The following PIP5K1B variants were observed in gnomAD, a reference collection of about 807,000 sequenced individuals.
PIP5K1B encodes phosphatidylinositol-4-phosphate 5-kinase type 1 beta, also known as phosphatidylinositol 4-phosphate 5-kinase type-1 beta.
Under a neutral mutation model 67.0 loss-of-function variants are expected in PIP5K1B, and 42 were observed. The ratio of observed to expected loss-of-function variants is 0.63; its 90% CI spans 0.49 to 0.81. The LOEUF (loss-of-function observed/expected upper bound fraction) is 0.81. Among genes scored for constraint, PIP5K1B ranks in the 30% least tolerant of loss-of-function variants. The pLI, the probability that PIP5K1B is intolerant of heterozygous loss-of-function variation, is 0.00. For missense variants in PIP5K1B, 459 were observed against 646.3 expected (o/e 0.71, Z 3.14); for synonymous variants, 214 against 231.4 (o/e 0.92, Z 0.68).
chr9:68,917,990 C>A (rs548005702), intron 9 of PIP5K1B, among the ~76,000 whole-genome samples: 12 of 152,192 alleles, frequency 7.9e-5, no homozygotes, highest in South Asian at 2.1e-4. Context: ...TTAACAATGG[C>A]TGAAAATGTT....
chr9:68,940,821 A>G (rs769975407), intron 14 of PIP5K1B, 31 bp downstream of exon 14: 1 of 1,605,900 alleles, frequency 6.2e-7, no homozygotes, highest in South Asian at 1.1e-5. Flanking sequence ...ATAACCCATC[A>G]GGCTGTTACC....
intron 4 of PIP5K1B, among the ~76,000 whole-genome samples, chr9:68,862,531 C>T (rs1223509019): frequency 1.3e-5 from 2 of 152,112 alleles, no homozygotes; most frequent in African/African-American, 4.8e-5. Flanking sequence ...TGGTGGCTCA[C>T]ACCTGTAATC....
chr9:68,881,888 T>C (rs1034863890), intron 6 of PIP5K1B, among the ~76,000 whole-genome samples: 5 of 152,210 alleles, frequency 3.3e-5, no homozygotes, highest in Non-Finnish European at 5.9e-5. Context: ...GTAGAACTTA[T>C]ATGAGTCTTT....
intron 14 of PIP5K1B, chr9:68,963,056 A>G (rs931701530): frequency 1.1e-5 from 4 of 379,074 alleles, no homozygotes; most frequent in African/African-American, 2.1e-5. Context: ...AAAGAAACTT[A>G]TATTTGATTT....
intron 13 of PIP5K1B, among the ~76,000 whole-genome samples, chr9:68,939,391 G>A (rs554360112): frequency 1.8e-4 from 27 of 152,168 alleles, no homozygotes; most frequent in Non-Finnish European, 3.2e-4. Context: ...CAATTCATTG[G>A]AATCTGATAT....
At chr9:68,883,038 A>G (rs564906755) in intron 6 of PIP5K1B, among the ~76,000 whole-genome samples, 1 of 152,334 alleles carries the variant, frequency 6.6e-6, no homozygotes, top group East Asian at 1.9e-4. Flanking sequence ...AAAATTAACA[A>G]CAGCAATACA....
chr9:68,727,165 G>A (rs1185247087), intron 1 of PIP5K1B, among the ~76,000 whole-genome samples: 1 of 152,186 alleles, frequency 6.6e-6, no homozygotes, highest in African/African-American at 2.4e-5. Flanking sequence ...GGCCAGGGCA[G>A]TGTGAGGAGA....
intron 3 of PIP5K1B, chr9:68,822,414 T>C (rs1054451905): frequency 5.2e-5 from 25 of 482,494 alleles, no homozygotes; most frequent in Non-Finnish European, 7.8e-5. Flanking sequence ...ACGAAAATGT[T>C]TTAGATTTAT....
intron 2 of PIP5K1B, among the ~76,000 whole-genome samples, chr9:68,766,388 T>A (rs1830428235): frequency 6.6e-6 from 1 of 152,158 alleles, no homozygotes; most frequent in Admixed American, 6.5e-5. Context: ...ACAAAGATCT[T>A]ATATAATGTT....
intron 4 of PIP5K1B, among the ~76,000 whole-genome samples, chr9:68,853,109 A>G (rs1219878630): frequency 1.3e-5 from 2 of 152,214 alleles, no homozygotes; most frequent in South Asian, 2.1e-4. Context: ...CCTTGGAATG[A>G]TGAGTCTGGC....
At chr9:68,854,993 A>G (rs10869422) in intron 4 of PIP5K1B, among the ~76,000 whole-genome samples, 64,331 of 152,058 alleles carry the variant, frequency 0.42, 14,091 homozygotes, top group Non-Finnish European at 0.49. Context: ...GTGATGGCAT[A>G]ATTTGACGAG....
intron 14 of PIP5K1B, among the ~76,000 whole-genome samples, chr9:68,941,786 T>C (rs1827574179): frequency 6.6e-6 from 1 of 152,240 alleles, no homozygotes. Context: ...TTATTTTTAA[T>C]ATATGGATAT....
At chr9:68,794,862 T>G (rs1256162674) in intron 2 of PIP5K1B, among the ~76,000 whole-genome samples, 1 of 152,214 alleles carries the variant, frequency 6.6e-6, no homozygotes, top group Non-Finnish European at 1.5e-5. Flanking sequence ...GATTTCCTTC[T>G]AATCATAGAA....
At chr9:68,819,758 A>G (rs567439510) in intron 3 of PIP5K1B, among the ~76,000 whole-genome samples, 1 of 152,154 alleles carries the variant, frequency 6.6e-6, no homozygotes, top group African/African-American at 2.4e-5. Flanking sequence ...TCCCTGCTAC[A>G]TGGCCTCTCC....
chr9:68,787,017 A>C (rs947477781), intron 2 of PIP5K1B, among the ~76,000 whole-genome samples: 1 of 152,198 alleles, frequency 6.6e-6, no homozygotes, highest in Non-Finnish European at 1.5e-5. Context: ...GCCCTCTCCA[A>C]TACCATGACA....
At chr9:68,787,559 T>G (rs766635157) in intron 2 of PIP5K1B, among the ~76,000 whole-genome samples, 69 of 152,238 alleles carry the variant, frequency 4.5e-4, no homozygotes, top group Non-Finnish European at 7.5e-4. Flanking sequence ...CTCCTTCTCC[T>G]GCATAGATCA....
At chr9:68,731,059 T>A (rs1828402423) in intron 1 of PIP5K1B, among the ~76,000 whole-genome samples, 1 of 152,232 alleles carries the variant, frequency 6.6e-6, no homozygotes, top group African/African-American at 2.4e-5. Context: ...TCAAGGAAAG[T>A]TACCTTTAGC....
At chr9:68,878,918 G>T (rs1201547767) in intron 6 of PIP5K1B, among the ~76,000 whole-genome samples, 1 of 152,164 alleles carries the variant, frequency 6.6e-6, no homozygotes, top group Non-Finnish European at 1.5e-5. Flanking sequence ...GTTGGAAGGG[G>T]CACTGTAGAA....
chr9:68,864,701 T>C (rs1168548741), intron 5 of PIP5K1B, among the ~76,000 whole-genome samples: 3 of 152,172 alleles, frequency 2.0e-5, no homozygotes, highest in Non-Finnish European at 4.4e-5. Context: ...ACTACGTTCA[T>C]TTAGGAAGAG....
Sources: gnomAD v4.1 joint callset for allele counts (sites outside exome capture counted in the v4.1 genomes callset) on GRCh38, gnomAD v4.1.1 for gene constraint, MANE v1.5 for transcripts, NCBI Gene and HGNC (gene_info 2026-07-23, HGNC 2026-07-21) for gene names.